The following CPA6 variants were observed in gnomAD, a reference collection of about 807,000 sequenced individuals.
CPA6 encodes carboxypeptidase B.
A neutral mutation model predicts 63.3 loss-of-function variants in CPA6; 58 were observed. That is an observed-to-expected ratio of 0.92 (90% CI 0.74 to 1.14). The LOEUF is 1.14. Among genes scored for constraint, CPA6 ranks in the 50% most tolerant of loss-of-function variants. The pLI is 0.00. For synonymous variants in CPA6, 185 were observed against 179.0 expected, an observed-to-expected ratio of 1.03 and a Z score of -0.27; for missense variants, 565 against 526.6, an observed-to-expected ratio of 1.07 and a Z score of -0.71.
chr8:67,569,087 T>C (rs1813418280), intron 2 of CPA6, among the ~76,000 whole-genome samples: 1 of 152,132 alleles, frequency 6.6e-6, no homozygotes, highest in African/African-American at 2.4e-5. Flanking sequence ...ATGAAAACTT[T>C]CCTAATCTGA....
At chr8:67,513,402 G>A (rs1394365210) in intron 3 of CPA6, among the ~76,000 whole-genome samples, 2 of 152,030 alleles carry the variant, frequency 1.3e-5, no homozygotes, top group Non-Finnish European at 2.9e-5. Context: ...AATTGTCAAC[G>A]TATTCCAATA....
chr8:67,562,391 C>T (rs1283872602), intron 2 of CPA6, among the ~76,000 whole-genome samples: 2 of 152,134 alleles, frequency 1.3e-5, no homozygotes, highest in Non-Finnish European at 2.9e-5. Flanking sequence ...CTGGCCCTGA[C>T]AGAATGTCTG....
chr8:67,740,695 G>C (rs991358258), intron 1 of CPA6, among the ~76,000 whole-genome samples: 4 of 152,084 alleles, frequency 2.6e-5, no homozygotes, highest in African/African-American at 9.7e-5. Context: ...TCAGCCTCCT[G>C]AGTAGCGGGG....
intron 1 of CPA6, among the ~76,000 whole-genome samples, chr8:67,626,134 C>T (rs561825621): frequency 6.6e-6 from 1 of 152,270 alleles, no homozygotes; most frequent in South Asian, 2.1e-4. Flanking sequence ...TCTGTTAAGC[C>T]TGTGGAACTG....
intron 8 of CPA6, among the ~76,000 whole-genome samples, chr8:67,457,616 C>T (rs950781364): frequency 6.6e-6 from 1 of 152,096 alleles, no homozygotes; most frequent in Non-Finnish European, 1.5e-5. Flanking sequence ...ACTGGTTCCC[C>T]TCACACTGTA....
At chr8:67,712,858 C>G (rs900549625) in intron 1 of CPA6, among the ~76,000 whole-genome samples, 4 of 151,616 alleles carry the variant, frequency 2.6e-5, no homozygotes, top group Non-Finnish European at 5.9e-5. Flanking sequence ...CATCCCCACA[C>G]TGTACACGGA....
rs562031268 is a variant in CPA6 at position 67,678,299 on chromosome 8, A to G, written c.117-54048T>C. Among the ~76,000 whole-genome samples the G allele has an allele frequency of 3.3e-5, 5 of 152,218 alleles. No individual in the cohort carries two copies. The East Asian group carries it at 9.7e-4, about 29-fold the overall frequency. On this transcript the variant is annotated intron_variant, in intron 1 of 10. Transcript: ENST00000297770. ...AAATAAACTGCATTAAAATTCAGAA[A>G]TTCTGATCATCAAAAGATGCTATAG...
intron 1 of CPA6, among the ~76,000 whole-genome samples, chr8:67,679,054 A>G (rs1162845166): frequency 6.6e-6 from 1 of 152,154 alleles, no homozygotes; most frequent in Non-Finnish European, 1.5e-5. Flanking sequence ...ACCTTGGGGG[A>G]AGGGGCAATG....
intron 1 of CPA6, among the ~76,000 whole-genome samples, chr8:67,728,465 A>G (rs1026092984): frequency 6.6e-6 from 1 of 152,194 alleles, no homozygotes. Context: ...CCGGCACAAA[A>G]GGGTCTATAA....
At chr8:67,729,905 C>T (rs1817674688) in intron 1 of CPA6, among the ~76,000 whole-genome samples, 1 of 152,212 alleles carries the variant, frequency 6.6e-6, no homozygotes, top group African/African-American at 2.4e-5. Context: ...GCTATTCTTA[C>T]GGGCCCCAAT....
intron 2 of CPA6, among the ~76,000 whole-genome samples, chr8:67,591,151 C>T (rs571946250): frequency 1.3e-5 from 2 of 152,060 alleles, no homozygotes; most frequent in East Asian, 3.8e-4. Flanking sequence ...GAATCCTTTC[C>T]CCATTGCTTG....
At position 67,531,862 on chromosome 8, in the gene CPA6, T is replaced by C. The variant is rs527980944; in HGVS notation, c.193-13815A>G. On this transcript the variant is annotated intron_variant, in intron 2 of 10. Coordinates refer to ENST00000297770, the MANE Select transcript of CPA6 (RefSeq NM_020361.5). ...GTCAGAGAATTGATGTCAAATGATC[T>C]CTGATTACAATGTAATTAAATTTAG... Among the ~76,000 whole-genome samples the C allele has an allele frequency of 2.6e-5, 4 of 152,316 alleles. No individual in the cohort carries two copies. In the South Asian group the frequency reaches 8.3e-4, roughly 32 times the overall value.
chr8:67,609,127 G>C (rs1442443873), intron 2 of CPA6, among the ~76,000 whole-genome samples: 1 of 152,200 alleles, frequency 6.6e-6, no homozygotes, highest in East Asian at 1.9e-4. Context: ...GAGGCTTGTA[G>C]TCTAAATGTT....
chr8:67,673,447 G>A (rs1042307731), intron 1 of CPA6, among the ~76,000 whole-genome samples: 3 of 149,202 alleles, frequency 2.0e-5, no homozygotes, highest in East Asian at 2.0e-4. Context: ...GCAGTGGCGC[G>A]ATCTGGGCTC....
At chr8:67,672,735 T>C (rs1816376545) in intron 1 of CPA6, among the ~76,000 whole-genome samples, 1 of 152,204 alleles carries the variant, frequency 6.6e-6, no homozygotes, top group African/African-American at 2.4e-5. Flanking sequence ...AAAGTCCTGC[T>C]TGGAACACAA....
chr8:67,663,920 G>A (rs1470034427), intron 1 of CPA6, among the ~76,000 whole-genome samples: 2 of 152,132 alleles, frequency 1.3e-5, no homozygotes, highest in Non-Finnish European at 2.9e-5. Flanking sequence ...TGGAAACATA[G>A]GTTACATGAT....
At chr8:67,693,238 C>T (rs1464958457) in intron 1 of CPA6, among the ~76,000 whole-genome samples, 1 of 152,204 alleles carries the variant, frequency 6.6e-6, no homozygotes, top group African/African-American at 2.4e-5. Context: ...AAATGCTAGC[C>T]TTCTCAGAGC....
chr8:67,742,728 A>C (rs1459000655), intron 1 of CPA6, among the ~76,000 whole-genome samples: 1 of 152,174 alleles, frequency 6.6e-6, no homozygotes, highest in African/African-American at 2.4e-5. Flanking sequence ...TAAGAAGTTA[A>C]ATAACTTGTC....
chr8:67,666,106 G>C (rs1376849014), intron 1 of CPA6, among the ~76,000 whole-genome samples: 1 of 152,208 alleles, frequency 6.6e-6, no homozygotes, highest in African/African-American at 2.4e-5. Flanking sequence ...TAGGATGGCA[G>C]ACTTCACTCA....
Sources: gnomAD v4.1 joint callset for allele counts (sites outside exome capture counted in the v4.1 genomes callset) on GRCh38, gnomAD v4.1.1 for gene constraint, MANE v1.5 for transcripts, NCBI Gene and HGNC (gene_info 2026-07-23, HGNC 2026-07-21) for gene names.